FBXW12: variants seen among roughly 807,000 people sequenced by gnomAD.
The protein encoded by FBXW12 is F-box and WD repeat domain containing 12.
Under a neutral mutation model 55.3 loss-of-function variants are expected in FBXW12, and 43 were observed. The observed-to-expected ratio is 0.78, with a 90% CI of 0.61 to 1.00. The LOEUF (loss-of-function observed/expected upper bound fraction) is 1.00, where lower values mean the gene tolerates loss of function less well. Among genes scored for constraint, FBXW12 ranks in the 50% least tolerant of loss-of-function variants. FBXW12 has a pLI of 0.00. For synonymous variants in FBXW12, 184 were observed against 203.8 expected (o/e 0.90, Z 0.83); for missense variants, 524 against 560.5 (o/e 0.93, Z 0.66).
At chr3:48,392,802 T>C (rs1388860140) in intron 10 of FBXW12, among the ~76,000 whole-genome samples, 1 of 152,204 alleles carries the variant, frequency 6.6e-6, no homozygotes, top group Non-Finnish European at 1.5e-5. Flanking sequence ...TTTGCTCTGG[T>C]TGAGTACAAG....
chr3:48,379,947 C>T (rs992218035), intron 7 of FBXW12: 13 of 185,330 alleles, frequency 7.0e-5, no homozygotes, highest in Admixed American at 5.0e-4. Context: ...AGGGTGTCCA[C>T]ACCAAGTCTG....
In FBXW12 at chr3:48,387,486, A is replaced by G. The variant is rs1575363228; in HGVS notation, c.1295+5401A>G. 2.0e-5 allele frequency among the ~76,000 whole-genome samples: 3 copies of G among 149,034 alleles called. No homozygotes were observed. The East Asian group carries it at 5.9e-4, about 29-fold the overall frequency. Reference sequence around the variant, plus strand: ...CTATTTTGCTATTCTGAATTTGTCTATGTCAGCTCTTAAATTTTATTTTCT... The same window carrying G: ...CTATTTTGCTATTCTGAATTTGTCTGTGTCAGCTCTTAAATTTTATTTTCT... On this transcript the variant is annotated intron_variant, in intron 10 of 10. Transcript: ENST00000296438.
rs2036713935 is a variant in FBXW12 at position 48,378,338 on chromosome 3, C to T, written c.427C>T (p.Pro143Ser). The T allele has an allele frequency of 3.1e-6, 5 of 1,613,860 alleles. No individual in the cohort carries two copies. The highest frequency in any genetic ancestry group is 1.7e-5 in the Admixed American group (1 of 59,978). ...CTAGGGTACCATGATCTGGTCAAGC[C>T]CAGTCCAGGAGTTCCATTTCTCAAA... is the stretch of plus-strand genomic sequence containing the variant. Reference protein sequence around the residue: ...VQEGTMIWSSPVQEFHFSNLV... With the variant: ...VQEGTMIWSSSVQEFHFSNLV... The change falls in exon 6 of 11, where the codon CCA (proline) becomes TCA (serine). Residue 143 changes from proline (P) to serine (S), a missense_variant. Pro to Ser is a moderately conservative substitution (Grantham distance 74). Transcript: ENST00000296438.
chr3:48,373,677 CTT>C lies in FBXW12; in HGVS notation c.260_261del (p.Phe87TyrfsTer6). 6.2e-7 allele frequency: 1 copy of C among 1,614,128 alleles called. No homozygotes were observed. Among genetic ancestry groups the C allele is most frequent in the Non-Finnish European group, 8.5e-7 (1 of 1,179,990 alleles). On this transcript the variant is annotated frameshift_variant, in exon 4 of 11. Transcript: ENST00000296438. LOFTEE classifies it high-confidence loss of function. ...LRLALAQPHN[F>X]IYKVTKNIAF... ...GGTTGGCATTGGCACAGCCGCATAA[CTT>C]TATCTACAAAGTAACTAAGAACATC...
intron 5 of FBXW12, among the ~76,000 whole-genome samples, chr3:48,377,345 A>C (rs777932809): frequency 6.6e-6 from 1 of 152,204 alleles, no homozygotes; most frequent in South Asian, 2.1e-4. Context: ...TTCTTCACTC[A>C]TGGGTCATCA....
chr3:48,375,544 T>A, intron 5 of FBXW12, 72 bp downstream of exon 5: 1 of 867,686 alleles, frequency 1.2e-6, no homozygotes, highest in Non-Finnish European at 1.8e-6. Context: ...GAAACGGAAG[T>A]GCTGAGAGGA....
chr3:48,381,423 A>G (rs535108083), intron 8 of FBXW12, among the ~76,000 whole-genome samples: 12 of 152,196 alleles, frequency 7.9e-5, no homozygotes, highest in Non-Finnish European at 1.8e-4. Context: ...GCGAACACAT[A>G]TAGATTTCCA....
intron 10 of FBXW12, among the ~76,000 whole-genome samples, chr3:48,384,196 G>A (rs2036814305): frequency 6.6e-6 from 1 of 152,152 alleles, no homozygotes; most frequent in South Asian, 2.1e-4. Flanking sequence ...GTCTCTTACT[G>A]TTTTAGGCCA....
In FBXW12 at chr3:48,379,520, G is replaced by A. The variant is rs373234509; in HGVS notation, c.736G>A (p.Val246Ile). The A allele has an allele frequency of 4.3e-6, 7 of 1,614,004 alleles. No homozygotes were observed. In the African/African-American group the frequency reaches 5.3e-5, roughly 12 times the overall value. Residue 246 changes from valine (V) to isoleucine (I), a missense_variant, in exon 7 of 11, where the codon GTA becomes ATA. By Grantham distance (29) the Val-to-Ile change is conservative. Coordinates refer to ENST00000296438, the MANE Select transcript of FBXW12 (RefSeq NM_207102.2). ...LLHCSPDKKWVFACGTYSRTL... is the reference protein window; with the variant it reads ...LLHCSPDKKWIFACGTYSRTL... ...ACACTGCTCTCCTGACAAGAAATGG[G>A]TATTTGCATGTGGGACATACAGTCG... is the stretch of plus-strand genomic sequence containing the variant.
At chr3:48,375,562 C>A in intron 5 of FBXW12, 90 bp downstream of exon 5, 2 of 749,768 alleles carry the variant, frequency 2.7e-6, no homozygotes, top group South Asian at 1.9e-5. Context: ...GGAAAATATT[C>A]GGAAGTGGTA....
chr3:48,385,368 G>GTGTGTGTA (rs1553793721), intron 10 of FBXW12, among the ~76,000 whole-genome samples: 1 of 147,794 alleles, frequency 6.8e-6, no homozygotes, highest in Non-Finnish European at 1.5e-5. Flanking sequence ...GTGTGTGTGT[G>GTGTGTGTA]TGTATGTATC....
Position 48,375,974 on chromosome 3 carries a change from CTTTTTTTTTTTTTTT to C in FBXW12, c.405+515_405+529del, listed in dbSNP as rs34834484. Among the ~76,000 whole-genome samples, 13 of 40,656 alleles carry C rather than the reference CTTTTTTTTTTTTTTT, an allele frequency of 3.2e-4. No homozygotes were observed. In the South Asian group the frequency reaches 9.1e-3, roughly 29 times the overall value. 26.7% of individuals were successfully genotyped at this position (40,656 alleles called of 152,430 possible). A position where few individuals can be genotyped will look rare whatever the true frequency, so the allele number is the denominator to read the frequency against. On this transcript the variant is annotated intron_variant, in intron 5 of 10. Transcript: ENST00000296438. ...ACAGGCGTGAGCCACTGCGCCCGGC[CTTTTTTTTTTTTTTT>C]TTTTTTTTTTTTGAGACAGTCTCAC... is the stretch of plus-strand genomic sequence containing the variant.
At chr3:48,388,674 T>C (rs2036879169) in intron 10 of FBXW12, among the ~76,000 whole-genome samples, 1 of 152,230 alleles carries the variant, frequency 6.6e-6, no homozygotes, top group South Asian at 2.1e-4. Flanking sequence ...GTAGATAGAA[T>C]CTGGTTGGGT....
At position 48,380,927 on chromosome 3, in the gene FBXW12, A is replaced by C. The variant is rs781360599; in HGVS notation, c.985+15A>C. 2 of 1,606,270 alleles carry C rather than the reference A, an allele frequency of 1.2e-6. No homozygotes were observed. The highest frequency in any genetic ancestry group is 1.7e-5 in the Admixed American group (1 of 59,948). ...AGTCATCCAAGGTAGGCTGTGCCAC[A>C]TTAGAAACGCTTGTTTCTCTTCCTC... is the stretch of plus-strand genomic sequence containing the variant. On this transcript the variant is annotated intron_variant, in intron 8 of 10. Transcript: ENST00000296438.
chr3:48,394,529 T>G (rs770212550), intron 10 of FBXW12, 31 bp from the exon 11 acceptor site: 2 of 1,279,190 alleles, frequency 1.6e-6, no homozygotes, highest in African/African-American at 2.9e-5. Flanking sequence ...TTCTCTTTTG[T>G]TCACTGATGA....
chr3:48,379,232 C>T (rs1421940673), intron 6 of FBXW12, among the ~76,000 whole-genome samples, 168 bp from the exon 7 acceptor site: 1 of 152,136 alleles, frequency 6.6e-6, no homozygotes, highest in Non-Finnish European at 1.5e-5. Flanking sequence ...AGTTTTATTC[C>T]ATGGGATTAT....
intron 1 of FBXW12, 71 bp downstream of exon 1, chr3:48,372,391 C>T (rs1032717771): frequency 1.3e-6 from 2 of 1,510,100 alleles, no homozygotes; most frequent in African/African-American, 2.8e-5. Flanking sequence ...CATAGAGACA[C>T]TCAGATCTGA....
intron 10 of FBXW12, among the ~76,000 whole-genome samples, chr3:48,390,730 A>T (rs1349811095): frequency 6.6e-6 from 1 of 151,986 alleles, no homozygotes; most frequent in African/African-American, 2.4e-5. Flanking sequence ...TGCTTCTAGC[A>T]GTGTTTTGTA....
chr3:48,372,957 T>C, intron 2 of FBXW12, 100 bp downstream of exon 2: 2 of 1,137,172 alleles, frequency 1.8e-6, no homozygotes, highest in Non-Finnish European at 2.7e-6. Flanking sequence ...ACTGAGGCTT[T>C]GGGGGTTAGC....
Sources: allele counts gnomAD v4.1 joint callset (sites outside exome capture counted in the v4.1 genomes callset), GRCh38; gene constraint gnomAD v4.1.1; transcripts MANE v1.5; gene names NCBI Gene and HGNC (gene_info 2026-07-23, HGNC 2026-07-21).